The following GLT6D1 variants were observed in gnomAD, a reference collection of about 807,000 sequenced individuals.
GLT6D1 encodes the protein putative glycosyltransferase 6 domain-containing protein 1.
Under a neutral mutation model 12.3 loss-of-function variants are expected in GLT6D1, and 9 were observed. The ratio of observed to expected loss-of-function variants is 0.73; its 90% CI spans 0.44 to 1.27. The LOEUF is 1.27. Among genes scored for constraint, GLT6D1 ranks in the 50% most tolerant of loss-of-function variants. The probability of loss-of-function intolerance (pLI) is 0.00; values close to 1 mark genes in which losing one functional copy is unlikely to be tolerated. For synonymous variants in GLT6D1, 128 were observed against 132.3 expected (o/e 0.97, Z 0.23); for missense variants, 335 against 346.2 (o/e 0.97, Z 0.26).
chr9:135,641,047 C>A (rs3893372), upstream of GLT6D1, among the ~76,000 whole-genome samples: 1 of 151,950 alleles, frequency 6.6e-6, no homozygotes, highest in Non-Finnish European at 1.5e-5. Context: ...TGACCCAAAC[C>A]CTGATTTTAC....
chr9:135,631,089 C>T (rs1307772136), intron 3 of GLT6D1, among the ~76,000 whole-genome samples: 3 of 152,096 alleles, frequency 2.0e-5, no homozygotes, highest in Non-Finnish European at 4.4e-5. Context: ...AAGTTGAAAC[C>T]ACATACACTT....
At chr9:135,626,509 C>G (rs890502447) in intron 3 of GLT6D1, among the ~76,000 whole-genome samples, 6 of 152,218 alleles carry the variant, frequency 3.9e-5, no homozygotes, top group Admixed American at 2.0e-4. Context: ...CCCCCAGCCA[C>G]TGCCTTTGAG....
chr9:135,640,668 CA>C (rs1402419808), upstream of GLT6D1, among the ~76,000 whole-genome samples: 1 of 151,392 alleles, frequency 6.6e-6, no homozygotes, highest in Non-Finnish European at 1.5e-5. Context: ...TGCAGTGAGC[CA>C]AGATCGCACC....
chr9:135,627,673 A>G (rs7023943), intron 3 of GLT6D1, among the ~76,000 whole-genome samples: 148,399 of 152,290 alleles, frequency 0.97, 72,430 homozygotes, highest in South Asian at 1. Flanking sequence ...ATTCTCTTGG[A>G]TATATATCTA....
At chr9:135,625,426 T>A (rs1833485858) in intron 4 of GLT6D1, among the ~76,000 whole-genome samples, 1 of 152,072 alleles carries the variant, frequency 6.6e-6, no homozygotes, top group Non-Finnish European at 1.5e-5. Context: ...GTCAGCAAAC[T>A]ACAAAAGAAA....
At chr9:135,624,964 G>A (rs1369244006) in intron 4 of GLT6D1, among the ~76,000 whole-genome samples, 5 of 147,860 alleles carry the variant, frequency 3.4e-5, no homozygotes, top group East Asian at 2.0e-4. Context: ...GGCTGGTCTC[G>A]AACTCCTGAC....
upstream of GLT6D1, among the ~76,000 whole-genome samples, chr9:135,639,884 G>T (rs1588208398): frequency 7.2e-6 from 1 of 139,146 alleles, no homozygotes; most frequent in East Asian, 2.1e-4. Context: ...CATTCTGTCT[G>T]CCAGGCTGGA....
At chr9:135,632,214 T>A (rs7048456) in intron 2 of GLT6D1, among the ~76,000 whole-genome samples, 2 of 149,804 alleles carry the variant, frequency 1.3e-5, no homozygotes, top group African/African-American at 4.9e-5. Flanking sequence ...TTCACTGCAG[T>A]CTCAACCTCC....
chr9:135,638,814 A>G (rs768491753), intron 2 of GLT6D1, among the ~76,000 whole-genome samples: 11 of 152,254 alleles, frequency 7.2e-5, no homozygotes, highest in Admixed American at 1.3e-4. Flanking sequence ...ATCTTTGGAC[A>G]AAACTCAGCA....
chr9:135,630,980 T>TAAA (rs11414887), intron 3 of GLT6D1, among the ~76,000 whole-genome samples: 3 of 147,764 alleles, frequency 2.0e-5, no homozygotes, highest in Non-Finnish European at 4.5e-5. Context: ...TATATCTGTG[T>TAAA]AAAAAAAAAA....
chr9:135,634,778 A>G (rs1833733636), intron 2 of GLT6D1, among the ~76,000 whole-genome samples: 1 of 150,346 alleles, frequency 6.7e-6, no homozygotes. Context: ...GATCCCACCC[A>G]GCACGCCACA....
chr9:135,640,502 C>T (rs1326139522), upstream of GLT6D1, among the ~76,000 whole-genome samples: 2 of 151,942 alleles, frequency 1.3e-5, no homozygotes, highest in African/African-American at 4.8e-5. Context: ...GGGAGGATCA[C>T]GAGGTCAGGA....
chr9:135,631,565 C>T (rs1333233), intron 2 of GLT6D1, 87 bp from the exon 3 acceptor site: 760,791 of 1,036,264 alleles, frequency 0.73, 280,615 homozygotes, highest in East Asian at 0.95. Flanking sequence ...TTTGGTGTTT[C>T]GTCAACATGC....
intron 2 of GLT6D1, among the ~76,000 whole-genome samples, chr9:135,631,990 A>G (rs1490708363): frequency 6.6e-6 from 1 of 152,140 alleles, no homozygotes; most frequent in Non-Finnish European, 1.5e-5. Context: ...CTCCCACCTC[A>G]ACCTCCAAAG....
chr9:135,633,321 C>T (rs1214092489), intron 2 of GLT6D1, among the ~76,000 whole-genome samples: 4 of 152,322 alleles, frequency 2.6e-5, no homozygotes, highest in South Asian at 4.1e-4. Flanking sequence ...ATGATCTCAA[C>T]TCACTGCAAC....
chr9:135,637,607 T>C (rs1276211527), intron 2 of GLT6D1, among the ~76,000 whole-genome samples: 1 of 152,102 alleles, frequency 6.6e-6, no homozygotes, highest in Non-Finnish European at 1.5e-5. Flanking sequence ...TGTGTAGTGG[T>C]ATCTCCTTGT....
At chr9:135,635,811 G>A (rs1833762308) in intron 2 of GLT6D1, among the ~76,000 whole-genome samples, 1 of 152,204 alleles carries the variant, frequency 6.6e-6, no homozygotes, top group Admixed American at 6.5e-5. Flanking sequence ...GTGAGTTCAC[G>A]CTGAGGTCTC....
chr9:135,633,548 C>T (rs1678988305), intron 2 of GLT6D1, among the ~76,000 whole-genome samples: 1 of 152,188 alleles, frequency 6.6e-6, no homozygotes, highest in Admixed American at 6.5e-5. Context: ...AGCTACCACA[C>T]CTGGCCTGAG....
At chr9:135,630,597 G>A (rs953648166) in intron 3 of GLT6D1, among the ~76,000 whole-genome samples, 9 of 151,922 alleles carry the variant, frequency 5.9e-5, no homozygotes, top group African/African-American at 2.2e-4. Context: ...GCAGGCACCT[G>A]TAATCCCAGC....
Sources: allele counts gnomAD v4.1 joint callset (sites outside exome capture counted in the v4.1 genomes callset), GRCh38; gene constraint gnomAD v4.1.1; transcripts MANE v1.5; gene names NCBI Gene and HGNC (gene_info 2026-07-23, HGNC 2026-07-21).